MAP3K11: variants seen among roughly 807,000 people sequenced by gnomAD.
MAP3K11 encodes SH3 domain-containing proline-rich kinase.
MAP3K11 carries 46 observed loss-of-function variants against 84.9 expected under a neutral mutation model. That is an observed-to-expected ratio of 0.54 (90% CI 0.43 to 0.69). The LOEUF is 0.69. Among genes scored for constraint, MAP3K11 ranks in the 30% least tolerant of loss-of-function variants. MAP3K11 has a pLI of 0.00. For missense variants in MAP3K11, 1,053 were observed against 1,198.3 expected (o/e 0.88, Z 1.79); for synonymous variants, 527 against 514.7 (o/e 1.02, Z -0.32).
At chr11:65,607,038 G>C (rs1854516927) in intron 5 of MAP3K11, 2 of 672,042 alleles carry the variant, frequency 3.0e-6, no homozygotes, top group Non-Finnish European at 4.7e-6. Flanking sequence ...GACCTTCCCA[G>C]AACTTTCGTG....
intron 1 of MAP3K11, chr11:65,609,185 G>A (rs1444827579): frequency 1.3e-5 from 2 of 152,184 alleles, no homozygotes; most frequent in African/African-American, 4.8e-5. Flanking sequence ...CTGTCATTTT[G>A]TTGAGGCAGG....
Position 65,598,169 on chromosome 11 carries a change from CA to C in MAP3K11, c.*121del. ...TGTGCAGTGTAGTGTTCCTGACCCC[CA>C]AAGGGGGGTGGGGTCCCTGGGGAAA... is the stretch of plus-strand genomic sequence containing the variant. On this transcript the variant is annotated 3_prime_UTR_variant, in exon 10 of 10. Transcript: ENST00000309100. 2 of 846,292 alleles carry C rather than the reference CA, an allele frequency of 2.4e-6. No individual in the cohort carries two copies. Among genetic ancestry groups the C allele is most frequent in the Non-Finnish European group, 3.3e-6 (2 of 601,486 alleles). The allele number at this position is 846,292 out of a possible 1,614,324, so 52.4% of individuals were successfully genotyped here. A position where few individuals can be genotyped will look rare whatever the true frequency, so the allele number is the denominator to read the frequency against.
chr11:65,612,536 G>A (rs1854582004), intron 1 of MAP3K11: 1 of 154,794 alleles, frequency 6.5e-6, no homozygotes, highest in Non-Finnish European at 1.4e-5. Flanking sequence ...GGGAGGGCTA[G>A]GCCAGAATTC....
Position 65,606,767 on chromosome 11 carries a change from G to A in MAP3K11, c.1527C>T (p.Gly509=). 6.2e-7 allele frequency: 1 copy of A among 1,607,576 alleles called. No homozygotes were observed. The highest frequency in any genetic ancestry group is 8.5e-7 in the Non-Finnish European group (1 of 1,177,216). Residue 509 remains glycine, a synonymous_variant, in exon 6 of 10, where the codon GGC becomes GGT. Transcript: ENST00000309100. ...CGAAGACGTTTCTCCTCCGGTCAAGGCCGGGTGAGGCCTGCACGGTGATGC... is the reference window on the plus strand; with the variant it reads ...CGAAGACGTTTCTCCTCCGGTCAAGACCGGGTGAGGCCTGCACGGTGATGC... ...KHRITVQASP[G]LDRRRNVFEV...
chr11:65,601,976 G>T (rs1220033712), intron 8 of MAP3K11, among the ~76,000 whole-genome samples: 2 of 151,744 alleles, frequency 1.3e-5, no homozygotes, highest in Non-Finnish European at 2.9e-5. Flanking sequence ...GGCCAAGGTG[G>T]GCGGATCACG....
At chr11:65,603,667 G>T (rs748489992) in intron 8 of MAP3K11, among the ~76,000 whole-genome samples, 2 of 152,248 alleles carry the variant, frequency 1.3e-5, no homozygotes, top group South Asian at 2.1e-4. Context: ...GTACTTTCAT[G>T]GACCCAGATG....
intron 9 of MAP3K11, among the ~76,000 whole-genome samples, chr11:65,598,946 T>C (rs1398081100): frequency 6.6e-6 from 1 of 152,206 alleles, no homozygotes; most frequent in Non-Finnish European, 1.5e-5. Context: ...CTGGTTGTTA[T>C]GACTAAATGA....
intron 8 of MAP3K11, among the ~76,000 whole-genome samples, chr11:65,604,990 T>C (rs1195713718): frequency 6.6e-6 from 1 of 152,116 alleles, no homozygotes; most frequent in East Asian, 1.9e-4. Flanking sequence ...TCCTAAGCAG[T>C]CTATACGTGA....
In MAP3K11 at chr11:65,608,429, A is replaced by T; in HGVS notation, c.759T>A (p.Ile253=). 7 of 1,614,092 alleles carry T rather than the reference A, an allele frequency of 4.3e-6. No homozygotes were observed. The highest frequency in any genetic ancestry group is 5.9e-6 in the Non-Finnish European group (7 of 1,179,996). ...TCTTGTGCTCCATGTCGTCACTCTC[A>T]ATGGGCTGCAGCAGCAAAACTAGAG... ...KSNNILLLQP[I]ESDDMEHKTL... The change falls in exon 2 of 10, where the codon ATT becomes ATA. Residue 253 remains isoleucine (I), a synonymous_variant. Coordinates refer to ENST00000309100, the MANE Select transcript of MAP3K11 (RefSeq NM_002419.4).
chr11:65,611,720 G>C (rs918495675), intron 1 of MAP3K11: 1 of 152,444 alleles, frequency 6.6e-6, no homozygotes, highest in Non-Finnish European at 1.5e-5. Context: ...GGGAGCAGGG[G>C]CCTGGGCTAT....
Position 65,613,990 on chromosome 11 carries a change from C to T in MAP3K11, c.-234G>A. 1.9e-6 allele frequency: 1 copy of T among 526,432 alleles called. No homozygotes were observed. Among genetic ancestry groups the T allele is most frequent in the East Asian group, 3.2e-5 (1 of 31,468 alleles). 32.6% of individuals were successfully genotyped at this position (526,432 alleles called of 1,614,324 possible). Reference sequence around the variant, plus strand: ...TGGTCAGGCCGGGGGGGTGGGGCCCCGGGGCCTCCGGCGCCTCACCATGGC... The same window carrying T: ...TGGTCAGGCCGGGGGGGTGGGGCCCTGGGGCCTCCGGCGCCTCACCATGGC... On this transcript the variant is annotated 5_prime_UTR_variant, in exon 1 of 10. Coordinates refer to ENST00000309100, the MANE Select transcript of MAP3K11 (RefSeq NM_002419.4).
intron 3 of MAP3K11, 35 bp downstream of exon 3, chr11:65,607,887 G>A (rs1221530451): frequency 6.2e-7 from 1 of 1,609,790 alleles, no homozygotes; most frequent in Non-Finnish European, 8.5e-7. Flanking sequence ...GGGCCAGGGA[G>A]CTCTGTACCT....
In MAP3K11 at chr11:65,613,131, C is replaced by G. The variant is rs143451767; in HGVS notation, c.626G>C (p.Arg209Pro). Reference sequence around the variant, plus strand: ...GTTGACCAGCACATGGGGAGGCACGCGCCGCCCGGCCAGAGCTCGGCTGAG... The same window carrying G: ...GTTGACCAGCACATGGGGAGGCACGGGCCGCCCGGCCAGAGCTCGGCTGAG... ...GPLSRALAGR[R>P]VPPHVLVNWA... Residue 209 changes from arginine to proline, a missense_variant, in exon 1 of 10, where the codon CGC (arginine) becomes CCC (proline). Arg to Pro is a moderately radical substitution (Grantham distance 103, BLOSUM62 -2). Coordinates refer to ENST00000309100, the MANE Select transcript of MAP3K11 (RefSeq NM_002419.4). The G allele has an allele frequency of 2.2e-5, 35 of 1,588,996 alleles. No individual in the cohort carries two copies. In the African/African-American group the frequency reaches 3.7e-4, roughly 17 times the overall value.
At chr11:65,609,072 AC>A (rs879813409) in intron 1 of MAP3K11, 3 of 152,396 alleles carry the variant, frequency 2.0e-5, no homozygotes, top group Non-Finnish European at 4.4e-5. Context: ...TGGCTCTGAA[AC>A]CAGTGTTCTA....
chr11:65,612,595 A>G, intron 1 of MAP3K11: 1 of 162,728 alleles, frequency 6.1e-6, no homozygotes, highest in Non-Finnish European at 1.3e-5. Flanking sequence ...CCTCTCTGAG[A>G]TATCTGTTCT....
In MAP3K11 at chr11:65,599,428, T is replaced by G. The variant is rs758786939; in HGVS notation, c.2172A>C (p.Ser724=). The G allele has an allele frequency of 4.6e-6, 7 of 1,526,380 alleles. No individual in the cohort carries two copies. The Admixed American group carries it at 1.0e-4, about 22-fold the overall frequency. The allele number at this position is 1,526,380 out of a possible 1,614,324, so 94.6% of individuals were successfully genotyped here. Reference sequence around the variant, plus strand: ...CCTCCTCACGTCGGGGGCTCTTGGCTGACCGCTGGCCCACAGGGATACCCA... The same window carrying G: ...CCTCCTCACGTCGGGGGCTCTTGGCGGACCGCTGGCCCACAGGGATACCCA... ...LDLGIPVGQR[S]AKSPRREEEP... Residue 724 remains serine, a synonymous_variant, in exon 9 of 10, where the codon TCA becomes TCC. Transcript: ENST00000309100.
At chr11:65,612,486 G>A (rs1854581265) in intron 1 of MAP3K11, 1 of 152,776 alleles carries the variant, frequency 6.5e-6, no homozygotes, top group Non-Finnish European at 1.5e-5. Flanking sequence ...CTGAAATTGA[G>A]GCTCCGAGTT....
rs994675223 is a variant in MAP3K11, at chr11:65,607,259, C to G, written c.1489+11G>C. 3 of 1,495,118 alleles carry G rather than the reference C, an allele frequency of 2.0e-6. No individual in the cohort carries two copies. In the African/African-American group the frequency reaches 4.4e-5, roughly 22 times the overall value. 92.6% of individuals were successfully genotyped at this position (1,495,118 alleles called of 1,614,324 possible). A position where few individuals can be genotyped will look rare whatever the true frequency, so the allele number is the denominator to read the frequency against. On this transcript the variant is annotated intron_variant, in intron 5 of 9. Coordinates refer to ENST00000309100, the MANE Select transcript of MAP3K11 (RefSeq NM_002419.4). ...CCAATGGCGGGGGACGCCCCGGGGCCCGGCCCTCACCGAGTGGCATGCTGA... is the reference window on the plus strand; with the variant it reads ...CCAATGGCGGGGGACGCCCCGGGGCGCGGCCCTCACCGAGTGGCATGCTGA...
intron 8 of MAP3K11, among the ~76,000 whole-genome samples, chr11:65,602,361 T>A (rs1457746074): frequency 1.3e-5 from 2 of 151,036 alleles, no homozygotes; most frequent in African/African-American, 4.9e-5. Flanking sequence ...AATACAAAAA[T>A]TAGGCCGGGC....
Sources: allele counts gnomAD v4.1 joint callset (sites outside exome capture counted in the v4.1 genomes callset), GRCh38; gene constraint gnomAD v4.1.1; transcripts MANE v1.5; gene names NCBI Gene and HGNC (gene_info 2026-07-23, HGNC 2026-07-21).